Variants in FGF13 observed in about 807,000 individuals in gnomAD.
FGF13 encodes the protein fibroblast growth factor 13.
A neutral mutation model predicts 19.5 loss-of-function variants in FGF13; 2 were observed. The observed-to-expected ratio is 0.10, with a 90% CI of 0.04 to 0.32. The LOEUF is 0.32. Ranked by LOEUF, FGF13 falls within the 10% of genes least tolerant of loss-of-function variation. The probability of loss-of-function intolerance (pLI) is 1.00; values close to 1 mark genes in which losing one functional copy is unlikely to be tolerated. For synonymous variants in FGF13, 72 were observed against 76.9 expected, an observed-to-expected ratio of 0.94 and a Z score of 0.33; for missense variants, 113 against 192.7, an observed-to-expected ratio of 0.59 and a Z score of 2.45.
intron 3 of FGF13, among the ~76,000 whole-genome samples, chrX:138,791,226 C>A (rs1648737849): frequency 9.0e-6 from 1 of 111,394 alleles, no homozygotes; most frequent in South Asian, 3.8e-4. Flanking sequence ...ATGTAAATAC[C>A]ACACCATCTT....
intron 1 of FGF13, among the ~76,000 whole-genome samples, chrX:138,894,075 A>T (rs1251858208): frequency 7.2e-5 from 8 of 111,580 alleles, no homozygotes; most frequent in Non-Finnish European, 1.9e-5. Context: ...ATTGGGCAGC[A>T]AAATTTTATC....
intron 1 of FGF13, among the ~76,000 whole-genome samples, chrX:139,078,880 C>T (rs2083350772): frequency 8.9e-6 from 1 of 112,990 alleles, no homozygotes; most frequent in Non-Finnish European, 1.9e-5. Context: ...TCTTTTAAAG[C>T]AGCTACTACA....
intron 1 of FGF13, among the ~76,000 whole-genome samples, chrX:139,095,386 A>T (rs2083464262): frequency 8.9e-6 from 1 of 112,022 alleles, no homozygotes; most frequent in Non-Finnish European, 1.9e-5. Flanking sequence ...ACTTTTGACC[A>T]CTAAAATAAA....
At chrX:139,027,602 G>A (rs981657056) in intron 1 of FGF13, among the ~76,000 whole-genome samples, 20 of 112,146 alleles carry the variant, frequency 1.8e-4, no homozygotes, top group African/African-American at 4.5e-4. Context: ...TTTAAAACAT[G>A]TAACATGGAT....
At chrX:138,829,867 C>T (rs939540098) in intron 3 of FGF13, among the ~76,000 whole-genome samples, 1 of 111,502 alleles carries the variant, frequency 9.0e-6, no homozygotes, top group Admixed American at 9.5e-5. Flanking sequence ...CAGGTGTGTG[C>T]CACAATGCTT....
At chrX:138,974,692 C>G (rs753127196) in intron 1 of FGF13, among the ~76,000 whole-genome samples, 1 of 112,415 alleles carries the variant, frequency 8.9e-6, no homozygotes, top group African/African-American at 3.2e-5. Context: ...GGGCACAATA[C>G]GTGTTTTGTA....
chrX:138,668,644 A>AG (rs1357474235), intron 3 of FGF13, among the ~76,000 whole-genome samples: 2 of 109,800 alleles, frequency 1.8e-5, no homozygotes, highest in Non-Finnish European at 3.8e-5. Flanking sequence ...AATACATTTA[A>AG]TAATCTAGAG....
intron 1 of FGF13, among the ~76,000 whole-genome samples, chrX:138,998,841 G>T (rs2092057534): frequency 9.0e-6 from 1 of 111,604 alleles, no homozygotes; most frequent in Non-Finnish European, 1.9e-5. Context: ...AGATCTAATA[G>T]AAATCTACAG....
intron 1 of FGF13, among the ~76,000 whole-genome samples, chrX:139,147,969 G>A (rs1365828687): frequency 9.0e-6 from 1 of 111,124 alleles, no homozygotes; most frequent in Non-Finnish European, 1.9e-5. Context: ...GAAATTCTGG[G>A]TAGACATGAA....
At chrX:138,958,195 G>A (rs984521944) in intron 1 of FGF13, among the ~76,000 whole-genome samples, 13 of 111,664 alleles carry the variant, frequency 1.2e-4, no homozygotes, top group Non-Finnish European at 5.6e-5. Context: ...TTTGAGATAC[G>A]TCCCATTGAT....
intron 1 of FGF13, among the ~76,000 whole-genome samples, chrX:139,026,713 G>C (rs959681943): frequency 1.8e-5 from 2 of 111,748 alleles, no homozygotes; most frequent in African/African-American, 6.5e-5. Context: ...GCAATAAAGA[G>C]GTGGGAGGAC....
At position 139,071,019 on chromosome X, in the gene FGF13, A is replaced by G. The variant is rs771182927; in HGVS notation, c.-113+132397T>C. ...GAGGAGGGATAGCATTAGGAGAACT[A>G]CCCAATGTAGATGACGAGTTGATGA... On this transcript the variant is annotated intron_variant, in intron 1 of 2. Transcript: ENST00000421460. Among the ~76,000 whole-genome samples the G allele has an allele frequency of 1.6e-4, 18 of 110,110 alleles. 1 individual carries two copies. The South Asian group carries it at 6.8e-3, about 41-fold the overall frequency.
intron 3 of FGF13, among the ~76,000 whole-genome samples, chrX:138,767,983 T>C (rs749403890): frequency 2.8e-4 from 32 of 112,440 alleles, no homozygotes; most frequent in African/African-American, 9.0e-4. Flanking sequence ...ACTTTGTCAG[T>C]GGCAGTTTTC....
intron 1 of FGF13, among the ~76,000 whole-genome samples, chrX:139,163,051 C>G (rs1430407085): frequency 1.8e-5 from 2 of 111,856 alleles, no homozygotes; most frequent in African/African-American, 6.5e-5. Context: ...GGTATATACC[C>G]AAAGGATCAT....
chrX:139,112,651 G>T (rs1348125996), intron 1 of FGF13, among the ~76,000 whole-genome samples: 1 of 111,785 alleles, frequency 8.9e-6, no homozygotes, highest in African/African-American at 3.3e-5. Context: ...CCCTTGGCAA[G>T]CTGCTTCGCT....
intron 3 of FGF13, among the ~76,000 whole-genome samples, chrX:138,792,772 A>G (rs1000835541): frequency 1.8e-5 from 2 of 110,758 alleles, no homozygotes; most frequent in African/African-American, 6.6e-5. Context: ...TAGTGGTCCA[A>G]TTTGGCCCTG....
At chrX:139,053,341 G>A (rs2092308851) in intron 1 of FGF13, among the ~76,000 whole-genome samples, 1 of 110,257 alleles carries the variant, frequency 9.1e-6, no homozygotes, top group Admixed American at 9.6e-5. Context: ...TTTCCATAGT[G>A]GCTGTACTAG....
intron 3 of FGF13, among the ~76,000 whole-genome samples, chrX:138,645,675 C>A (rs1453439324): frequency 8.9e-6 from 1 of 112,005 alleles, no homozygotes; most frequent in Non-Finnish European, 1.9e-5. Context: ...CACCCCGCAA[C>A]TTGAAATTGG....
chrX:138,778,809 C>T (rs2090613287), intron 3 of FGF13, among the ~76,000 whole-genome samples: 1 of 112,663 alleles, frequency 8.9e-6, no homozygotes, highest in South Asian at 3.6e-4. Flanking sequence ...CTGGGTGGAG[C>T]CCACCACAGC....
Sources: allele counts gnomAD v4.1 joint callset (sites outside exome capture counted in the v4.1 genomes callset), GRCh38; gene constraint gnomAD v4.1.1; transcripts MANE v1.5; gene names NCBI Gene and HGNC (gene_info 2026-07-23, HGNC 2026-07-21).